Variants in DTNA observed in about 807,000 individuals in gnomAD.
The protein encoded by DTNA is dystrobrevin alpha.
A neutral mutation model predicts 100.7 loss-of-function variants in DTNA; 43 were observed. The observed-to-expected ratio is 0.43, with a 90% CI of 0.33 to 0.55. The LOEUF (loss-of-function observed/expected upper bound fraction) is 0.55, where lower values mean the gene tolerates loss of function less well. Ranked by LOEUF, DTNA falls within the 20% of genes least tolerant of loss-of-function variation. DTNA has a pLI of 0.04. For missense variants in DTNA, 798 were observed against 953.9 expected (o/e 0.84, Z 2.15); for synonymous variants, 349 against 347.9 (o/e 1.00, Z -0.04).
chr18:34,511,595 A>G (rs2041099518), intron 1 of DTNA, among the ~76,000 whole-genome samples: 1 of 152,054 alleles, frequency 6.6e-6, no homozygotes, highest in Non-Finnish European at 1.5e-5. Flanking sequence ...TGCCATTCAT[A>G]TGGATAGGAT....
At chr18:34,811,869 A>G (rs2095493369) in intron 5 of DTNA, 90 bp from the exon 6 acceptor site, 1 of 1,469,482 alleles carries the variant, frequency 6.8e-7, no homozygotes, top group Admixed American at 1.8e-5. Context: ...TTATTTTGCT[A>G]CTTTTTTGTC....
chr18:34,795,813 G>A (rs2422100), intron 4 of DTNA, among the ~76,000 whole-genome samples: 18,896 of 152,034 alleles, frequency 0.12, 1,282 homozygotes, highest in African/African-American at 0.17. Flanking sequence ...TAAGGAAGGG[G>A]GTATTTTGTG....
At chr18:34,605,922 G>A (rs1408062682) in intron 1 of DTNA, among the ~76,000 whole-genome samples, 1 of 152,026 alleles carries the variant, frequency 6.6e-6, no homozygotes, top group East Asian at 1.9e-4. Flanking sequence ...TGATAAGTGG[G>A]TGATTTGGGC....
intron 18 of DTNA, 140 bp from the exon 19 acceptor site, chr18:34,877,579 T>C (rs767018744): frequency 3.0e-6 from 2 of 665,304 alleles, no homozygotes; most frequent in Non-Finnish European, 5.1e-6. Context: ...TTTCAGGAAA[T>C]GAACTAAAGC....
intron 1 of DTNA, 146 bp from the exon 2 acceptor site, chr18:34,755,830 C>G: frequency 5.6e-6 from 4 of 715,008 alleles, no homozygotes; most frequent in Non-Finnish European, 9.6e-6. Flanking sequence ...GTTAGTAAAA[C>G]TAAAGCTGTA....
Position 34,889,379 on chromosome 18 carries a change from C to T in DTNA, c.*1645C>T, listed in dbSNP as rs1004525111. ...GGTCCAGAAGTCTGTTTTAGTCAAC[C>T]CTCTAGGTGATTCTGATGCTCGCTA... On this transcript the variant is annotated 3_prime_UTR_variant, in exon 23 of 23. Transcript: ENST00000444659. The T allele has an allele frequency of 1.0e-6, 1 of 984,862 alleles. No homozygotes were observed. Among genetic ancestry groups the T allele is most frequent in the Non-Finnish European group, 1.2e-6 (1 of 829,482 alleles). The allele number at this position is 984,862 out of a possible 1,614,324, so 61.0% of individuals were successfully genotyped here.
At chr18:34,633,829 C>T (rs992072747) in intron 1 of DTNA, among the ~76,000 whole-genome samples, 1 of 152,166 alleles carries the variant, frequency 6.6e-6, no homozygotes, top group Non-Finnish European at 1.5e-5. Flanking sequence ...AATGGGAAAA[C>T]AGAACATACC....
intron 1 of DTNA, among the ~76,000 whole-genome samples, chr18:34,695,089 T>C (rs1005943374): frequency 9.9e-5 from 15 of 152,172 alleles, no homozygotes; most frequent in African/African-American, 3.6e-4. Context: ...GTAAAATTAC[T>C]GTACTATAAC....
intron 2 of DTNA, among the ~76,000 whole-genome samples, chr18:34,764,944 A>C (rs2093390781): frequency 6.6e-6 from 1 of 152,218 alleles, no homozygotes; most frequent in Admixed American, 6.5e-5. Flanking sequence ...TGTTCTAGAC[A>C]AAGTCTAGAG....
At chr18:34,696,964 A>T (rs1350733645) in intron 1 of DTNA, among the ~76,000 whole-genome samples, 1 of 152,168 alleles carries the variant, frequency 6.6e-6, no homozygotes, top group Non-Finnish European at 1.5e-5. Context: ...GGCATTTTTG[A>T]TTGATGCCTG....
chr18:34,545,470 C>G (rs1394086913), intron 1 of DTNA, among the ~76,000 whole-genome samples: 1 of 152,004 alleles, frequency 6.6e-6, no homozygotes, highest in Non-Finnish European at 1.5e-5. Flanking sequence ...TTAACTTAAC[C>G]AGGCACCATA....
At chr18:34,800,343 T>G (rs2095160506) in intron 4 of DTNA, among the ~76,000 whole-genome samples, 1 of 152,220 alleles carries the variant, frequency 6.6e-6, no homozygotes, top group African/African-American at 2.4e-5. Flanking sequence ...ACCCTTTATC[T>G]CCAACATGTT....
intron 1 of DTNA, among the ~76,000 whole-genome samples, chr18:34,545,450 T>G (rs960595714): frequency 2.0e-5 from 3 of 152,172 alleles, no homozygotes; most frequent in Non-Finnish European, 4.4e-5. Flanking sequence ...ATATATTTTC[T>G]AATGTGTGAT....
chr18:34,821,750 C>T (rs1188851488), intron 9 of DTNA, among the ~76,000 whole-genome samples: 2 of 152,186 alleles, frequency 1.3e-5, no homozygotes, highest in East Asian at 3.8e-4. Context: ...TTCAGTGGGA[C>T]CTATCACACC....
At chr18:34,567,512 T>C (rs2047186766) in intron 1 of DTNA, among the ~76,000 whole-genome samples, 1 of 152,152 alleles carries the variant, frequency 6.6e-6, no homozygotes, top group Non-Finnish European at 1.5e-5. Flanking sequence ...AAATCAGAAT[T>C]TAAAAGTATA....
intron 1 of DTNA, among the ~76,000 whole-genome samples, chr18:34,652,671 G>T (rs1260064919): frequency 2.0e-5 from 3 of 152,178 alleles, no homozygotes; most frequent in Admixed American, 2.0e-4. Flanking sequence ...GTCCCCAGAT[G>T]CTTCAACTGA....
chr18:34,666,697 G>C (rs2075979618), intron 1 of DTNA, among the ~76,000 whole-genome samples: 1 of 152,100 alleles, frequency 6.6e-6, no homozygotes, highest in Non-Finnish European at 1.5e-5. Flanking sequence ...CCCATTTCTT[G>C]TTTTTGTCAG....
intron 1 of DTNA, among the ~76,000 whole-genome samples, chr18:34,733,147 T>G (rs2088710834): frequency 1.3e-5 from 2 of 152,082 alleles, no homozygotes; most frequent in South Asian, 4.1e-4. Flanking sequence ...TGGGGAAGAA[T>G]GGGAGAAAGA....
intron 1 of DTNA, among the ~76,000 whole-genome samples, chr18:34,691,458 T>C (rs923940661): frequency 6.6e-6 from 1 of 152,206 alleles, no homozygotes; most frequent in Non-Finnish European, 1.5e-5. Context: ...AAACAATACC[T>C]ATAAAACAAA....
Sources: gnomAD v4.1 joint callset for allele counts (sites outside exome capture counted in the v4.1 genomes callset) on GRCh38, gnomAD v4.1.1 for gene constraint, MANE v1.5 for transcripts, NCBI Gene and HGNC (gene_info 2026-07-23, HGNC 2026-07-21) for gene names.